Variants in SLC26A7 observed in about 807,000 individuals in gnomAD.
SLC26A7 encodes anion exchange transporter.
In SLC26A7, 59 loss-of-function variants were observed where a neutral mutation model predicts 82.5. That is an observed-to-expected ratio of 0.72 (90% CI 0.58 to 0.89). SLC26A7 has a LOEUF of 0.89. Among genes scored for constraint, SLC26A7 ranks in the 40% least tolerant of loss-of-function variants. SLC26A7 has a pLI of 0.00. For synonymous variants in SLC26A7, 271 were observed against 274.3 expected, an observed-to-expected ratio of 0.99 and a Z score of 0.12; for missense variants, 820 against 793.0, an observed-to-expected ratio of 1.03 and a Z score of -0.41.
intron 2 of SLC26A7, among the ~76,000 whole-genome samples, chr8:91,257,033 C>T (rs1291741225): frequency 2.6e-5 from 4 of 152,094 alleles, no homozygotes; most frequent in Admixed American, 6.6e-5. Context: ...CACATCTACC[C>T]CTCAGGCTGC....
intron 1 of SLC26A7, among the ~76,000 whole-genome samples, chr8:91,209,995 A>G (rs1809878775): frequency 6.6e-6 from 1 of 152,196 alleles, no homozygotes; most frequent in Non-Finnish European, 1.5e-5. Context: ...GCTATTGAGG[A>G]GATCACAGAC....
intron 5 of SLC26A7, among the ~76,000 whole-genome samples, chr8:91,325,090 C>A (rs939127301): frequency 1.3e-5 from 2 of 152,118 alleles, no homozygotes; most frequent in African/African-American, 4.8e-5. Context: ...GTGTAGCTGG[C>A]AGAATATAGG....
intron 2 of SLC26A7, among the ~76,000 whole-genome samples, chr8:91,286,049 A>C (rs1450601419): frequency 6.6e-6 from 1 of 152,228 alleles, no homozygotes; most frequent in Non-Finnish European, 1.5e-5. Flanking sequence ...TCACTTTCTC[A>C]TCACTAGTGA....
At chr8:91,386,277 A>C (rs1347863264) in intron 15 of SLC26A7, among the ~76,000 whole-genome samples, 2 of 152,154 alleles carry the variant, frequency 1.3e-5, no homozygotes, top group African/African-American at 2.4e-5. Context: ...CATTACTATT[A>C]TGTTTGGTAG....
chr8:91,315,527 G>T (rs959175277), intron 4 of SLC26A7, among the ~76,000 whole-genome samples: 2 of 151,334 alleles, frequency 1.3e-5, no homozygotes, highest in South Asian at 2.1e-4. Flanking sequence ...CCCCCAGAAC[G>T]TCTCTCTTTG....
intron 2 of SLC26A7, among the ~76,000 whole-genome samples, chr8:91,254,576 T>C (rs532587232): frequency 9.1e-4 from 139 of 152,242 alleles, no homozygotes; most frequent in African/African-American, 3.3e-3. Flanking sequence ...TACTGATTTT[T>C]ACAATGTGTT....
chr8:91,254,335 T>A (rs908967474), intron 2 of SLC26A7, among the ~76,000 whole-genome samples: 3 of 152,130 alleles, frequency 2.0e-5, no homozygotes, highest in African/African-American at 7.2e-5. Context: ...TTCCTGCTGG[T>A]ATGACCATTA....
At chr8:91,353,190 G>A (rs1355435797) in intron 11 of SLC26A7, among the ~76,000 whole-genome samples, 194 bp downstream of exon 11, 1 of 152,036 alleles carries the variant, frequency 6.6e-6, no homozygotes, top group Non-Finnish European at 1.5e-5. Context: ...ACAGAAATAA[G>A]AGTTTGGTCA....
upstream of SLC26A7, among the ~76,000 whole-genome samples, chr8:91,244,936 T>C (rs1810524029): frequency 6.6e-6 from 1 of 152,160 alleles, no homozygotes; most frequent in Non-Finnish European, 1.5e-5. Context: ...AAAGAAACTA[T>C]TGGAAAGTTT....
intron 2 of SLC26A7, among the ~76,000 whole-genome samples, chr8:91,239,391 A>ATATATATATAT (rs1385660578): frequency 3.6e-4 from 38 of 105,226 alleles, no homozygotes; most frequent in African/African-American, 9.3e-4. Context: ...AAAAAAAAAA[A>ATATATATATAT]AAAAATATAT....
At chr8:91,365,711 T>C (rs772952276) in intron 13 of SLC26A7, among the ~76,000 whole-genome samples, 1 of 152,234 alleles carries the variant, frequency 6.6e-6, no homozygotes, top group African/African-American at 2.4e-5. Flanking sequence ...AGAAGTTAAA[T>C]GAATTGTCCA....
intron 15 of SLC26A7, among the ~76,000 whole-genome samples, chr8:91,375,593 C>T (rs1814488905): frequency 1.3e-5 from 2 of 151,076 alleles, no homozygotes; most frequent in South Asian, 4.2e-4. Flanking sequence ...GCTGAGAAGT[C>T]TACTGTTAGT....
intron 3 of SLC26A7, among the ~76,000 whole-genome samples, chr8:91,290,355 C>A (rs1811831035): frequency 6.6e-6 from 1 of 152,108 alleles, no homozygotes; most frequent in Non-Finnish European, 1.5e-5. Context: ...TACAGTTCTG[C>A]AGCTCAGAAG....
chr8:91,323,991 TA>T (rs1812867955), intron 5 of SLC26A7, among the ~76,000 whole-genome samples: 1 of 151,786 alleles, frequency 6.6e-6, no homozygotes, highest in Non-Finnish European at 1.5e-5. Context: ...CACGCCTGGG[TA>T]ATTTTTGTAT....
intron 3 of SLC26A7, among the ~76,000 whole-genome samples, chr8:91,292,839 A>G (rs1235300389): frequency 6.6e-6 from 1 of 152,212 alleles, no homozygotes; most frequent in African/African-American, 2.4e-5. Context: ...TATTAATCCA[A>G]TGGCAACAGC....
At chr8:91,390,872 C>G (rs1437188402) in intron 16 of SLC26A7, among the ~76,000 whole-genome samples, 1 of 152,166 alleles carries the variant, frequency 6.6e-6, no homozygotes, top group Non-Finnish European at 1.5e-5. Flanking sequence ...GGAAACTCAG[C>G]CACCCTGTGC....
intron 15 of SLC26A7, among the ~76,000 whole-genome samples, chr8:91,378,066 C>T (rs953599268): frequency 1.3e-5 from 2 of 152,044 alleles, no homozygotes; most frequent in African/African-American, 4.8e-5. Context: ...TTCCCATTGA[C>T]TGTCTCTTTC....
chr8:91,252,300 G>A (rs1466448810), intron 2 of SLC26A7, among the ~76,000 whole-genome samples: 1 of 151,946 alleles, frequency 6.6e-6, no homozygotes, highest in East Asian at 1.9e-4. Context: ...TTAAATTAAG[G>A]ATAATGGAAA....
Position 91,394,034 on chromosome 8 carries a change from A to C in SLC26A7, c.1930A>C (p.Asn644His). The change falls in exon 18 of 19, where the codon AAT becomes CAT. Residue 644 changes from asparagine (N) to histidine (H), a missense_variant. Coordinates refer to ENST00000276609, the MANE Select transcript of SLC26A7 (RefSeq NM_052832.4). ...TGCTGCAATAAGTCATATCCATTCA[A>C]ATAAGGTGAGTTGATTAAGTTGGGC... ...VSAAISHIHS[N>H]KNLSKLSDHS... The C allele has an allele frequency of 6.2e-7, 1 of 1,612,676 alleles. No individual in the cohort carries two copies. The highest frequency in any genetic ancestry group is 8.5e-7 in the Non-Finnish European group (1 of 1,178,912).
Sources: allele counts gnomAD v4.1 joint callset (sites outside exome capture counted in the v4.1 genomes callset), GRCh38; gene constraint gnomAD v4.1.1; transcripts MANE v1.5; gene names NCBI Gene and HGNC (gene_info 2026-07-23, HGNC 2026-07-21).